EIF4A3: variants seen among roughly 807,000 people sequenced by gnomAD.
EIF4A3 encodes the protein eukaryotic translation initiation factor 4A3, also known as eukaryotic initiation factor 4A-III.
A neutral mutation model predicts 55.6 loss-of-function variants in EIF4A3; 1 was observed. That is an observed-to-expected ratio of 0.02 (90% CI 0.01 to 0.09). EIF4A3 has a LOEUF of 0.09. Ranked by LOEUF, EIF4A3 falls within the 10% of genes least tolerant of loss-of-function variation. The probability of loss-of-function intolerance (pLI) is 1.00; values close to 1 mark genes in which losing one functional copy is unlikely to be tolerated. For synonymous variants in EIF4A3, 194 were observed against 196.3 expected, an observed-to-expected ratio of 0.99 and a Z score of 0.10; for missense variants, 221 against 540.7, an observed-to-expected ratio of 0.41 and a Z score of 5.86.
chr17:80,140,085 C>T lies in EIF4A3; in HGVS notation c.428G>A (p.Gly143Asp). 6.2e-7 allele frequency: 1 copy of T among 1,613,898 alleles called. No individual in the cohort carries two copies. Among genetic ancestry groups the T allele is most frequent in the Non-Finnish European group, 8.5e-7 (1 of 1,179,968 alleles). ...MNVQCHACIG[G>D]TNVGEDIRKL... is the part of the protein sequence containing the mutation. ...CCTGATGTCCTCGCCAACATTGGTGCCTCCAATGCAGGCATGGCACTGGAC... is the reference window on the plus strand; with the variant it reads ...CCTGATGTCCTCGCCAACATTGGTGTCTCCAATGCAGGCATGGCACTGGAC... The change falls in exon 5 of 12, where the codon GGC becomes GAC. Residue 143 changes from glycine to aspartate, a missense_variant. Gly to Asp is a moderately conservative substitution (Grantham distance 94). Transcript: ENST00000649764.
rs148188167 is a variant in EIF4A3 at position 80,137,055 on chromosome 17, C to G, written c.983+331G>C. On this transcript the variant is annotated intron_variant, in intron 9 of 11. Coordinates refer to ENST00000649764, the MANE Select transcript of EIF4A3 (RefSeq NM_014740.4). Reference sequence around the variant, plus strand: ...ATCAAGTTCAAATGAATGAAACCACCCAATCCACGCTTTCTGACCACTGTG... The same window carrying G: ...ATCAAGTTCAAATGAATGAAACCACGCAATCCACGCTTTCTGACCACTGTG... The G allele has an allele frequency of 2.1e-4, 43 of 204,114 alleles. No homozygotes were observed. In the East Asian group the frequency reaches 4.7e-3, roughly 22 times the overall value. The allele number at this position is 204,114 out of a possible 1,614,324, so 12.6% of individuals were successfully genotyped here.
intron 9 of EIF4A3, chr17:80,136,597 TTTAAC>T: frequency 2.0e-6 from 1 of 496,234 alleles, no homozygotes; most frequent in Non-Finnish European, 3.6e-6. Context: ...CTAGACTATC[TTTAAC>T]TTGTTTAATC....
Position 80,141,577 on chromosome 17 carries a change from C to A in EIF4A3, c.310-196G>T. The A allele has an allele frequency of 4.1e-6, 3 of 727,694 alleles. No homozygotes were observed. The South Asian group carries it at 5.7e-5, about 14-fold the overall frequency. 45.1% of individuals were successfully genotyped at this position (727,694 alleles called of 1,614,324 possible). On this transcript the variant is annotated intron_variant, in intron 3 of 11. Coordinates refer to ENST00000649764, the MANE Select transcript of EIF4A3 (RefSeq NM_014740.4). ...ATGTGTCAGCATCCTCGTCTGCAGA[C>A]AAGAGCTTCCTCTAGTTAAATAGAA...
At chr17:80,139,350 A>C in intron 6 of EIF4A3, 188 bp from the exon 7 acceptor site, 1 of 752,732 alleles carries the variant, frequency 1.3e-6, no homozygotes, top group South Asian at 2.0e-5. Context: ...CGCCCACCGG[A>C]GTGTTATCTG....
At chr17:80,137,797 C>T (rs2039585104) in intron 8 of EIF4A3, among the ~76,000 whole-genome samples, 1 of 152,140 alleles carries the variant, frequency 6.6e-6, no homozygotes, top group African/African-American at 2.4e-5. Context: ...TGTAGCCCAA[C>T]TCCTTTCCTT....
At position 80,136,284 on chromosome 17, in the gene EIF4A3, C is replaced by G; in HGVS notation, c.1035G>C (p.Gln345His). Reference protein sequence around the residue: ...DVWARGLDVPQVSLIINYDLP... With the variant: ...DVWARGLDVPHVSLIINYDLP... ...GATCATAGTTAATGATGAGGGACAC[C>G]TGAGGGACATCCAACCCCCTGGCCC... Residue 345 changes from glutamine to histidine, a missense_variant, in exon 10 of 12, where the codon CAG becomes CAC. By Grantham distance (24) the Gln-to-His change is conservative. Around this residue, in one of 4 missense-constraint regions of EIF4A3, gnomAD observed 93 missense variants for 278.5 expected, o/e 0.33. Transcript: ENST00000649764. 1 of 1,614,096 alleles carries G rather than the reference C, an allele frequency of 6.2e-7. No individual in the cohort carries two copies. Among genetic ancestry groups the G allele is most frequent in the Non-Finnish European group, 8.5e-7 (1 of 1,180,018 alleles).
At chr17:80,135,923 CA>C (rs1191605448) in intron 11 of EIF4A3, 80 bp downstream of exon 11, 6 of 1,547,992 alleles carry the variant, frequency 3.9e-6, no homozygotes, top group Non-Finnish European at 5.2e-6. Flanking sequence ...CCCACAACAA[CA>C]AAAAAACAAA....
In EIF4A3 at chr17:80,134,850, T is replaced by C. The variant is rs2039557131; in HGVS notation, c.*640A>G. Among the ~76,000 whole-genome samples, 1 of 151,348 alleles carries C rather than the reference T, an allele frequency of 6.6e-6. No individual in the cohort carries two copies. The highest frequency in any genetic ancestry group is 2.4e-5 in the African/African-American group (1 of 41,146). ...ATGAAACTCTTTCCAAAAAAAAAGA[T>C]TAGAAAAGTGAGTGAAATGGGCCGG... On this transcript the variant is annotated 3_prime_UTR_variant, in exon 12 of 12. Transcript: ENST00000649764.
At chr17:80,138,873 G>T (rs1325894153) in intron 7 of EIF4A3, 148 bp downstream of exon 7, 2 of 1,061,708 alleles carry the variant, frequency 1.9e-6, no homozygotes, top group African/African-American at 3.2e-5. Flanking sequence ...TTACACTCAG[G>T]CAAGAGGATA....
rs1025534347 is a variant in EIF4A3 at position 80,135,914 on chromosome 17, C to T, written c.1219+90G>A. 2.0e-6 allele frequency: 3 copies of T among 1,528,948 alleles called. No homozygotes were observed. The Admixed American group carries it at 6.3e-5, about 32-fold the overall frequency. The allele number at this position is 1,528,948 out of a possible 1,614,324, so 94.7% of individuals were successfully genotyped here. On this transcript the variant is annotated intron_variant, in intron 11 of 11. Transcript: ENST00000649764. ...CGTCTCAAAAACAAAACAAAAAAACCCACAACAACAAAAAAACAAACTCAG... is the reference window on the plus strand; with the variant it reads ...CGTCTCAAAAACAAAACAAAAAAACTCACAACAACAAAAAAACAAACTCAG...
rs947957164 is a variant in EIF4A3 at position 80,134,511 on chromosome 17, A to C, written c.*979T>G. The stretch of plus-strand genomic sequence containing the variant: ...ACAGGGAGATCCTGGGCTCTCAAAA[A>C]AACAACAAAAAAAAAAAATTAGAAA... On this transcript the variant is annotated 3_prime_UTR_variant, in exon 12 of 12. Coordinates refer to ENST00000649764, the MANE Select transcript of EIF4A3 (RefSeq NM_014740.4). Among the ~76,000 whole-genome samples the C allele has an allele frequency of 1.2e-4, 18 of 151,498 alleles. No individual in the cohort carries two copies. Among genetic ancestry groups the C allele is most frequent in the Non-Finnish European group, 1.8e-4 (12 of 67,976 alleles).
At chr17:80,139,431 C>A in intron 6 of EIF4A3, 1 of 608,214 alleles carries the variant, frequency 1.6e-6, no homozygotes, top group Non-Finnish European at 2.8e-6. Flanking sequence ...AAACCCACCC[C>A]GAGAGTCCTA....
chr17:80,135,512 A>G lies in EIF4A3; in HGVS notation c.1220-6T>C, dbSNP rs775928569. 6 of 1,555,976 alleles carry G rather than the reference A, an allele frequency of 3.9e-6. No homozygotes were observed. The East Asian group carries it at 1.4e-4, about 37-fold the overall frequency. ...GCTTCAGATAAGATCAGCAACTGAA[A>G]GTGAAGAAAGAAACAGATTAAGGAA... On this transcript the variant is annotated splice_polypyrimidine_tract_variant and splice_region_variant and intron_variant, in intron 11 of 11. Coordinates refer to ENST00000649764, the MANE Select transcript of EIF4A3 (RefSeq NM_014740.4).
intron 1 of EIF4A3, among the ~76,000 whole-genome samples, 169 bp from the exon 2 acceptor site, chr17:80,144,413 G>A (rs2039642029): frequency 6.6e-6 from 1 of 151,662 alleles, no homozygotes; most frequent in African/African-American, 2.4e-5. Context: ...GAATTGGGCT[G>A]AGTGATTTCT....
chr17:80,147,020 GA>G lies in EIF4A3; in HGVS notation c.-60del. The G allele has an allele frequency of 7.0e-6, 10 of 1,423,638 alleles. No homozygotes were observed. The highest frequency in any genetic ancestry group is 5.5e-5 in the South Asian group (4 of 72,202). The allele number at this position is 1,423,638 out of a possible 1,614,324, so 88.2% of individuals were successfully genotyped here. A position where few individuals can be genotyped will look rare whatever the true frequency, so the allele number is the denominator to read the frequency against. The stretch of plus-strand genomic sequence containing the variant: ...CGCTGCCGACCTCGCTGCCGCTGCC[GA>G]CCTCGCTGTGCCGCTGCCGACCTCG... On this transcript the variant is annotated 5_prime_UTR_variant, in exon 1 of 12. Transcript: ENST00000649764.
chr17:80,138,945 T>C lies in EIF4A3; in HGVS notation c.728+76A>G, dbSNP rs895971837. Reference sequence around the variant, plus strand: ...ACAGCCAGACTCTGGCTATAAAAAGTTTTTGAAATTACGACATAAAATCCT... The same window carrying C: ...ACAGCCAGACTCTGGCTATAAAAAGCTTTTGAAATTACGACATAAAATCCT... On this transcript the variant is annotated intron_variant, in intron 7 of 11. Coordinates refer to ENST00000649764, the MANE Select transcript of EIF4A3 (RefSeq NM_014740.4). The C allele has an allele frequency of 7.6e-6, 12 of 1,570,612 alleles. No homozygotes were observed. The Middle Eastern group carries it at 5.1e-4, about 67-fold the overall frequency.
intron 5 of EIF4A3, 118 bp from the exon 6 acceptor site, chr17:80,139,868 A>T (rs2039603392): frequency 6.7e-7 from 1 of 1,494,710 alleles, no homozygotes. Context: ...GGTTCCAGAG[A>T]CCTTCCCTCT....
intron 9 of EIF4A3, chr17:80,137,105 A>T: frequency 3.3e-6 from 1 of 303,278 alleles, no homozygotes; most frequent in Non-Finnish European, 6.1e-6. Context: ...GAAACGATGA[A>T]CAGAAAACCC....
intron 11 of EIF4A3, 68 bp from the exon 12 acceptor site, chr17:80,135,574 T>A: frequency 7.1e-7 from 1 of 1,409,316 alleles, no homozygotes; most frequent in Non-Finnish European, 9.8e-7. Context: ...AACGTAAATT[T>A]AACTAAAACC....
Sources: allele counts gnomAD v4.1 joint callset (sites outside exome capture counted in the v4.1 genomes callset), GRCh38; gene constraint gnomAD v4.1.1; regional missense constraint gnomAD v4.1.1; transcripts MANE v1.5; gene names NCBI Gene and HGNC (gene_info 2026-07-23, HGNC 2026-07-21).